PMFBP1: variants seen among roughly 807,000 people sequenced by gnomAD.
PMFBP1 encodes polyamine modulated factor 1 binding protein 1.
In PMFBP1, 131 loss-of-function variants were observed where a neutral mutation model predicts 137.8. That is an observed-to-expected ratio of 0.95 (90% CI 0.82 to 1.10). The LOEUF is 1.10. PMFBP1 is among the 50% of genes least tolerant of loss of function. PMFBP1 has a pLI of 0.00. For synonymous variants in PMFBP1, 490 were observed against 450.4 expected, an observed-to-expected ratio of 1.09 and a Z score of -1.11; for missense variants, 1,199 against 1,175.4, an observed-to-expected ratio of 1.02 and a Z score of -0.29.
At chr16:72,186,394 C>CT in the PMFBP1 span, among the ~76,000 whole-genome samples, 1 of 152,064 alleles carries the variant, frequency 6.6e-6, no homozygotes, top group Non-Finnish European at 1.5e-5. Context: ...ACTTTTGATT[C>CT]TGACAGATGA....
intron 5 of PMFBP1, among the ~76,000 whole-genome samples, chr16:72,141,294 T>C (rs1330577593): frequency 6.6e-6 from 1 of 152,212 alleles, no homozygotes; most frequent in Admixed American, 6.5e-5. Context: ...ACAATTTATT[T>C]AAGATAGTTT....
the PMFBP1 span, among the ~76,000 whole-genome samples, chr16:72,206,012 A>G: frequency 2.0e-5 from 3 of 152,160 alleles, no homozygotes; most frequent in African/African-American, 7.2e-5. Context: ...TGCTCCACTT[A>G]GGGCCCACTG....
rs774301297 is a variant in PMFBP1 at position 72,125,411 on chromosome 16, G to A, written c.2254-6C>T. 7.2e-5 allele frequency: 115 copies of A among 1,607,544 alleles called. No homozygotes were observed. Among genetic ancestry groups the A allele is most frequent in the Non-Finnish European group, 9.0e-5 (106 of 1,178,286 alleles). ...TCTGAGGTCACGTGATTGAGCTTCCGGAAAAGACAAAGAGGACGAATGGCT... is the reference window on the plus strand; with the variant it reads ...TCTGAGGTCACGTGATTGAGCTTCCAGAAAAGACAAAGAGGACGAATGGCT... On this transcript the variant is annotated splice_polypyrimidine_tract_variant and splice_region_variant and intron_variant, in intron 15 of 20. Transcript: ENST00000237353.
the PMFBP1 span, among the ~76,000 whole-genome samples, chr16:72,235,367 T>C: frequency 2.0e-5 from 3 of 152,162 alleles, no homozygotes; most frequent in Non-Finnish European, 2.9e-5. Context: ...TCTATTTCAT[T>C]TATCTACTAT....
chr16:72,181,413 C>T (rs2043276082), upstream of PMFBP1, among the ~76,000 whole-genome samples: 1 of 152,082 alleles, frequency 6.6e-6, no homozygotes, highest in South Asian at 2.1e-4. Flanking sequence ...AAGTTCTTAG[C>T]TATCTATGGC....
chr16:72,143,426 A>G (rs2042753500), intron 5 of PMFBP1, among the ~76,000 whole-genome samples: 1 of 152,222 alleles, frequency 6.6e-6, no homozygotes, highest in African/African-American at 2.4e-5. Context: ...AGGATAAGAG[A>G]GAAGTTTTCC....
At chr16:72,134,358 T>A (rs1245264366) in intron 9 of PMFBP1, among the ~76,000 whole-genome samples, 1 of 152,126 alleles carries the variant, frequency 6.6e-6, no homozygotes, top group Non-Finnish European at 1.5e-5. Context: ...AGTTTAAACA[T>A]TTTTTTGCAG....
Position 72,150,661 on chromosome 16 carries a change from G to A in PMFBP1, c.583C>T (p.Leu195=). 1.2e-6 allele frequency: 2 copies of A among 1,614,048 alleles called. No individual in the cohort carries two copies. ...TGCAACATCTTCACTTGGCATTCTAGTAACTCGATGTTGCTCAGGGAAGAC... is the reference window on the plus strand; with the variant it reads ...TGCAACATCTTCACTTGGCATTCTAATAACTCGATGTTGCTCAGGGAAGAC... ...YQSSLSNIEL[L]ECQVKMLQGE... Residue 195 remains leucine, a synonymous_variant, in exon 5 of 21, where the codon CTA becomes TTA. Transcript: ENST00000237353.
chr16:72,122,923 C>T lies in PMFBP1; in HGVS notation c.2759G>A (p.Gly920Asp), dbSNP rs1271966054. The change falls in exon 19 of 21, where the codon GGC (glycine) becomes GAC (aspartate). Residue 920 changes from glycine to aspartate, a missense_variant. Physicochemically the swap from Gly to Asp is moderately conservative, Grantham distance 94. Coordinates refer to ENST00000237353, the MANE Select transcript of PMFBP1 (RefSeq NM_031293.3). ...GTTTAAGATGACTTACTCCTTTTCG[C>T]CACTCAGCTTGGCAATGTATTTCAC... is the stretch of plus-strand genomic sequence containing the variant. ...EQVKYIAKLS[G>D]EKDHLHSVMV... 1.2e-6 allele frequency: 2 copies of T among 1,613,244 alleles called. No homozygotes were observed. The highest frequency in any genetic ancestry group is 8.5e-7 in the Non-Finnish European group (1 of 1,179,894).
At chr16:72,241,463 C>T in the PMFBP1 span, among the ~76,000 whole-genome samples, 1 of 152,164 alleles carries the variant, frequency 6.6e-6, no homozygotes, top group East Asian at 1.9e-4. Context: ...GCCATCATAC[C>T]TAACAGTGGG....
chr16:72,167,961 G>C (rs2043169146), intron 2 of PMFBP1, among the ~76,000 whole-genome samples: 1 of 152,188 alleles, frequency 6.6e-6, no homozygotes, highest in Non-Finnish European at 1.5e-5. Flanking sequence ...AGTTTTGGAT[G>C]TCCTCTGAGT....
chr16:72,173,655 G>A (rs2043240611), upstream of PMFBP1, among the ~76,000 whole-genome samples: 1 of 152,246 alleles, frequency 6.6e-6, no homozygotes, highest in Admixed American at 6.5e-5. Flanking sequence ...GAAAAAACTG[G>A]AAGTGTTATA....
the PMFBP1 span, among the ~76,000 whole-genome samples, chr16:72,229,048 T>C: frequency 1.3e-5 from 2 of 152,098 alleles, no homozygotes; most frequent in Admixed American, 1.3e-4. Flanking sequence ...TGTTCCCTTC[T>C]TTATGTCCAT....
chr16:72,124,019 T>C lies in PMFBP1; in HGVS notation c.2590-370A>G, dbSNP rs184798042. Reference sequence around the variant, plus strand: ...GAGGAAGAGATGCCTTCTTTTTCTCTCTTCTTTTTTTTGACACTCTTGCTC... The same window carrying C: ...GAGGAAGAGATGCCTTCTTTTTCTCCCTTCTTTTTTTTGACACTCTTGCTC... On this transcript the variant is annotated intron_variant, in intron 17 of 20. Coordinates refer to ENST00000237353, the MANE Select transcript of PMFBP1 (RefSeq NM_031293.3). 5.9e-4 allele frequency among the ~76,000 whole-genome samples: 90 copies of C among 152,304 alleles called. 1 individual carries two copies. The highest frequency in any genetic ancestry group is 1.9e-3 in the African/African-American group (77 of 41,564).
upstream of PMFBP1, chr16:72,172,365 T>C (rs754518638): frequency 1.3e-5 from 2 of 151,192 alleles, no homozygotes; most frequent in Non-Finnish European, 2.9e-5. Flanking sequence ...TTTTTACTCA[T>C]GCTACATGTC....
chr16:72,205,030 C>A, the PMFBP1 span, among the ~76,000 whole-genome samples: 1 of 152,194 alleles, frequency 6.6e-6, no homozygotes, highest in Non-Finnish European at 1.5e-5. Context: ...TATGTACTAA[C>A]TACTCATTCT....
chr16:72,164,443 G>A (rs1018290544), intron 3 of PMFBP1: 1 of 1,353,798 alleles, frequency 7.4e-7, no homozygotes, highest in South Asian at 1.2e-5. Flanking sequence ...AGCAGACGCT[G>A]CTCCCCTTGT....
intron 3 of PMFBP1, among the ~76,000 whole-genome samples, chr16:72,158,040 C>A (rs1164921457): frequency 6.6e-6 from 1 of 152,176 alleles, no homozygotes; most frequent in Non-Finnish European, 1.5e-5. Context: ...AAAATCTCTA[C>A]AGAGAGTGGT....
At chr16:72,200,179 G>C in the PMFBP1 span, among the ~76,000 whole-genome samples, 2 of 152,336 alleles carry the variant, frequency 1.3e-5, no homozygotes, top group South Asian at 4.1e-4. Flanking sequence ...AGAGGAGCAG[G>C]GTGACCTCAG....
Sources: allele counts gnomAD v4.1 joint callset (sites outside exome capture counted in the v4.1 genomes callset), GRCh38; gene constraint gnomAD v4.1.1; transcripts MANE v1.5; gene names NCBI Gene and HGNC (gene_info 2026-07-23, HGNC 2026-07-21).